Variants in ZNF704 observed in about 807,000 individuals in gnomAD.
ZNF704 encodes zinc finger protein 704.
In ZNF704, 10 loss-of-function variants were observed where a neutral mutation model predicts 44.7. The observed-to-expected ratio is 0.22, with a 90% CI of 0.14 to 0.38. The LOEUF (loss-of-function observed/expected upper bound fraction) is 0.38, where lower values mean the gene tolerates loss of function less well. Among genes scored for constraint, ZNF704 ranks in the 10% least tolerant of loss-of-function variants. The probability of loss-of-function intolerance (pLI) is 1.00; values close to 1 mark genes in which losing one functional copy is unlikely to be tolerated. For missense variants in ZNF704, 390 were observed against 545.5 expected (o/e 0.71, Z 2.84); for synonymous variants, 211 against 207.6 (o/e 1.02, Z -0.14).
chr8:80,798,230 C>T (rs1807839822), intron 2 of ZNF704, among the ~76,000 whole-genome samples: 1 of 152,016 alleles, frequency 6.6e-6, no homozygotes, highest in East Asian at 1.9e-4. Context: ...CCATCTGAAA[C>T]CTCATTGTAA....
At chr8:80,763,813 C>T (rs923991522) in intron 2 of ZNF704, among the ~76,000 whole-genome samples, 6 of 152,198 alleles carry the variant, frequency 3.9e-5, no homozygotes, top group African/African-American at 1.4e-4. Flanking sequence ...TGCTTTGCTG[C>T]TCAGAAATTT....
Position 80,733,915 on chromosome 8 carries a change from T to C in ZNF704, c.222-40808A>G, listed in dbSNP as rs149112276. On this transcript the variant is annotated intron_variant, in intron 2 of 8. Transcript: ENST00000327835. ...CTACAAAAAAGTGGAAATCTTTGTA[T>C]TGTTTTATTAGCTAATCTAGAATTA... Among the ~76,000 whole-genome samples the C allele has an allele frequency of 5.4e-3, 819 of 152,368 alleles. 8 individuals are homozygous for C. Among genetic ancestry groups the C allele is most frequent in the African/African-American group, 0.019 (798 of 41,582 alleles).
chr8:80,830,117 A>G (rs1283015571), intron 1 of ZNF704, among the ~76,000 whole-genome samples: 2 of 152,208 alleles, frequency 1.3e-5, no homozygotes, highest in African/African-American at 2.4e-5. Context: ...GAGAGGAGAG[A>G]GTAGAAAGCA....
intron 2 of ZNF704, among the ~76,000 whole-genome samples, chr8:80,770,885 T>G (rs1807308312): frequency 6.6e-6 from 1 of 152,192 alleles, no homozygotes; most frequent in Non-Finnish European, 1.5e-5. Flanking sequence ...GTATGAGACT[T>G]AGATCAGGGT....
intron 2 of ZNF704, among the ~76,000 whole-genome samples, chr8:80,762,426 GGTGGCAGGAGACTGAA>G (rs1316831370): frequency 6.6e-6 from 1 of 152,134 alleles, no homozygotes; most frequent in Non-Finnish European, 1.5e-5. Context: ...TTCTTCACAT[GGTGGCAGGAGACTGAA>G]GTGCAAGCAG....
At chr8:80,716,482 C>T (rs796900870) in intron 2 of ZNF704, among the ~76,000 whole-genome samples, 5 of 152,340 alleles carry the variant, frequency 3.3e-5, no homozygotes, top group African/African-American at 1.2e-4. Context: ...CAAGACATCT[C>T]TTAGCCTTCT....
At chr8:80,656,062 G>A (rs1413963176) in intron 7 of ZNF704, among the ~76,000 whole-genome samples, 1 of 152,160 alleles carries the variant, frequency 6.6e-6, no homozygotes, top group Non-Finnish European at 1.5e-5. Context: ...CATAAGGGTG[G>A]GGCCCTGACC....
intron 1 of ZNF704, among the ~76,000 whole-genome samples, chr8:80,849,607 C>T (rs929537747): frequency 1.3e-5 from 2 of 152,192 alleles, no homozygotes; most frequent in Non-Finnish European, 2.9e-5. Context: ...AACTTGGCAA[C>T]CAAACACTGT....
upstream of ZNF704, among the ~76,000 whole-genome samples, chr8:80,876,310 T>C (rs1809355414): frequency 6.6e-6 from 1 of 152,220 alleles, no homozygotes; most frequent in Non-Finnish European, 1.5e-5. Flanking sequence ...AAGCATGGAA[T>C]AGCAGGGGCT....
chr8:80,685,185 TTTTTCC>T (rs1818516103), intron 4 of ZNF704, among the ~76,000 whole-genome samples: 1 of 151,964 alleles, frequency 6.6e-6, no homozygotes, highest in Non-Finnish European at 1.5e-5. Flanking sequence ...AAAGGAAGCT[TTTTTCC>T]TTTTCCTTTG....
At chr8:80,720,809 A>T (rs1819153019) in intron 2 of ZNF704, among the ~76,000 whole-genome samples, 1 of 152,238 alleles carries the variant, frequency 6.6e-6, no homozygotes, top group Non-Finnish European at 1.5e-5. Flanking sequence ...GGAAGCTTAA[A>T]TGCAACTGCC....
chr8:80,641,542 CA>C, intron 8 of ZNF704, 65 bp from the exon 9 acceptor site: 5 of 740,472 alleles, frequency 6.8e-6, no homozygotes, highest in South Asian at 5.4e-5. Flanking sequence ...ATGGAGAGCT[CA>C]AAAATCCCTT....
intron 2 of ZNF704, among the ~76,000 whole-genome samples, chr8:80,819,845 G>C: frequency 6.6e-6 from 1 of 152,112 alleles, no homozygotes; most frequent in East Asian, 1.9e-4. Flanking sequence ...TAGAAAGTCT[G>C]ACAAATCTGG....
intron 1 of ZNF704, among the ~76,000 whole-genome samples, chr8:80,847,759 G>C (rs563542043): frequency 4.8e-4 from 73 of 151,970 alleles, no homozygotes; most frequent in African/African-American, 1.4e-3. Context: ...ACCTCCATAG[G>C]CAAAAAACAT....
intron 2 of ZNF704, among the ~76,000 whole-genome samples, chr8:80,702,191 G>A (rs1818820922): frequency 6.6e-6 from 1 of 152,142 alleles, no homozygotes; most frequent in African/African-American, 2.4e-5. Flanking sequence ...GAACAAAGAT[G>A]GGCTGGGTGC....
chr8:80,709,969 C>A (rs932922454), intron 2 of ZNF704, among the ~76,000 whole-genome samples: 1 of 152,196 alleles, frequency 6.6e-6, no homozygotes, highest in South Asian at 2.1e-4. Context: ...TCCCTAGGAT[C>A]TCATATCTTT....
intron 1 of ZNF704, among the ~76,000 whole-genome samples, chr8:80,861,868 T>G (rs1327297115): frequency 6.6e-6 from 1 of 151,896 alleles, no homozygotes; most frequent in African/African-American, 2.4e-5. Context: ...CTTTTGATTC[T>G]CCTTTCAATC....
intron 7 of ZNF704, among the ~76,000 whole-genome samples, chr8:80,653,005 T>C (rs1167168523): frequency 6.6e-6 from 1 of 152,238 alleles, no homozygotes; most frequent in Non-Finnish European, 1.5e-5. Context: ...GATGCAAGGC[T>C]GGTTCAACAT....
chr8:80,753,093 C>T (rs1473603894), intron 2 of ZNF704, among the ~76,000 whole-genome samples: 4 of 152,190 alleles, frequency 2.6e-5, no homozygotes, highest in African/African-American at 9.7e-5. Context: ...ATACACAATG[C>T]TTTCTTTCCA....
Sources: gnomAD v4.1 joint callset for allele counts (sites outside exome capture counted in the v4.1 genomes callset) on GRCh38, gnomAD v4.1.1 for gene constraint, MANE v1.5 for transcripts, NCBI Gene and HGNC (gene_info 2026-07-23, HGNC 2026-07-21) for gene names.